MICU3: variants seen among roughly 807,000 people sequenced by gnomAD.
MICU3 encodes the protein mitochondrial calcium uptake 3.
MICU3 carries 62 observed loss-of-function variants against 66.5 expected under a neutral mutation model. The observed-to-expected ratio is 0.93, with a 90% CI of 0.76 to 1.15. MICU3 has a LOEUF of 1.15. MICU3 is among the 50% of genes most tolerant of loss of function. The pLI, the probability that MICU3 is intolerant of heterozygous loss-of-function variation, is 0.00. For synonymous variants in MICU3, 308 were observed against 240.7 expected (o/e 1.28, Z -2.59); for missense variants, 779 against 664.4 (o/e 1.17, Z -1.90).
At chr8:17,086,548 A>G (rs1012107601) in intron 6 of MICU3, among the ~76,000 whole-genome samples, 1 of 152,100 alleles carries the variant, frequency 6.6e-6, no homozygotes, top group South Asian at 2.1e-4. Context: ...GGCCAAGGTT[A>G]GTGTTGCTTT....
chr8:17,039,895 C>CTTTTTTTTTTTTTTTTTTTT (rs35133600), intron 1 of MICU3, among the ~76,000 whole-genome samples: 1 of 62,546 alleles, frequency 1.6e-5, no homozygotes, highest in Non-Finnish European at 2.7e-5. Context: ...ATCTTGCATT[C>CTTTTTTTTTTTTTTTTTTTT]TTTTTTTTTT....
intron 9 of MICU3, among the ~76,000 whole-genome samples, chr8:17,103,612 A>G (rs1344690392): frequency 1.3e-5 from 2 of 151,682 alleles, no homozygotes; most frequent in Admixed American, 6.6e-5. Flanking sequence ...GAAGGAGAGA[A>G]AAGGAAGATC....
intron 1 of MICU3, among the ~76,000 whole-genome samples, chr8:17,037,987 A>G (rs182199813): frequency 7.4e-4 from 113 of 152,196 alleles, no homozygotes; most frequent in African/African-American, 2.5e-3. Context: ...TGTTTACCCA[A>G]TGTCTCTACC....
At chr8:17,076,277 T>C (rs1386271367) in intron 3 of MICU3, among the ~76,000 whole-genome samples, 1 of 152,082 alleles carries the variant, frequency 6.6e-6, no homozygotes, top group African/African-American at 2.4e-5. Context: ...TCAAGGGATC[T>C]ACCCACCTCA....
In MICU3 at chr8:17,027,317, G is replaced by T. The variant is rs750483107; in HGVS notation, c.38G>T (p.Arg13Leu). ...CGAAGGCTCTTGTGGCCGCCACCCCGGGTGTCTCCTCCACTCTGCGCTCAC... is the reference window on the plus strand; with the variant it reads ...CGAAGGCTCTTGTGGCCGCCACCCCTGGTGTCTCCTCCACTCTGCGCTCAC... ...ALRRLLWPPP[R>L]VSPPLCAHQP... The change falls in exon 1 of 15, where the codon CGG becomes CTG. Residue 13 changes from arginine to leucine, a missense_variant. Arg to Leu is a moderately radical substitution (Grantham distance 102, BLOSUM62 -2). Transcript: ENST00000318063. 1.3e-5 allele frequency: 18 copies of T among 1,427,962 alleles called. No homozygotes were observed. Among genetic ancestry groups the T allele is most frequent in the Non-Finnish European group, 1.6e-5 (17 of 1,080,032 alleles). The allele number at this position is 1,427,962 out of a possible 1,614,324, so 88.5% of individuals were successfully genotyped here.
At chr8:17,088,955 C>G (rs1335125553) in intron 7 of MICU3, among the ~76,000 whole-genome samples, 3 of 151,758 alleles carry the variant, frequency 2.0e-5, no homozygotes, top group African/African-American at 7.3e-5. Context: ...CTAAATTATA[C>G]CAGCATACCC....
At chr8:17,037,266 C>G (rs1303562685) in intron 1 of MICU3, among the ~76,000 whole-genome samples, 3 of 152,228 alleles carry the variant, frequency 2.0e-5, no homozygotes, top group African/African-American at 7.2e-5. Context: ...GGGGCTCCCA[C>G]AGTGCAGCGG....
At chr8:17,048,819 G>C (rs1815553940) in intron 1 of MICU3, among the ~76,000 whole-genome samples, 1 of 152,064 alleles carries the variant, frequency 6.6e-6, no homozygotes, top group Admixed American at 6.6e-5. Flanking sequence ...GGTTGCCACT[G>C]TGTTGCCCAG....
At chr8:17,041,364 C>T (rs761241231) in intron 1 of MICU3, among the ~76,000 whole-genome samples, 13 of 151,552 alleles carry the variant, frequency 8.6e-5, no homozygotes, top group Non-Finnish European at 1.6e-4. Context: ...GAAAGCTATC[C>T]AAGGAGGTCA....
chr8:17,119,556 G>GATAGATAGACAGATAA (rs1554541265), intron 14 of MICU3, among the ~76,000 whole-genome samples: 1 of 150,972 alleles, frequency 6.6e-6, no homozygotes, highest in African/African-American at 2.4e-5. Flanking sequence ...TAGATAGATA[G>GATAGATAGACAGATAA]ATAGATAGAT....
In MICU3 at chr8:17,048,588, G is replaced by C. The variant is rs144531476; in HGVS notation, c.382-15496G>C. Among the ~76,000 whole-genome samples, 698 of 152,214 alleles carry C rather than the reference G, an allele frequency of 4.6e-3. 6 individuals carry two copies. The highest frequency in any genetic ancestry group is 0.016 in the African/African-American group (649 of 41,530). ...ACAATTCAAGATGAGATTTTGAATTGAATCTTCTTCACAACTACCACTTCT... is the reference window on the plus strand; with the variant it reads ...ACAATTCAAGATGAGATTTTGAATTCAATCTTCTTCACAACTACCACTTCT... On this transcript the variant is annotated intron_variant, in intron 1 of 14. Transcript: ENST00000318063.
At chr8:17,133,477 G>A in the MICU3 span, among the ~76,000 whole-genome samples, 53 of 152,032 alleles carry the variant, frequency 3.5e-4, no homozygotes, top group East Asian at 5.4e-3. Context: ...TTCTTCCAGT[G>A]TATTATTTCA....
At chr8:17,066,989 A>G (rs778298318) in intron 2 of MICU3, among the ~76,000 whole-genome samples, 3 of 152,194 alleles carry the variant, frequency 2.0e-5, no homozygotes, top group Non-Finnish European at 2.9e-5. Flanking sequence ...TTTTAAAACC[A>G]TAACTTAAGA....
Position 17,038,770 on chromosome 8 carries a change from G to A in MICU3, c.381+11110G>A, listed in dbSNP as rs897457123. Among the ~76,000 whole-genome samples, 68 of 152,086 alleles carry A rather than the reference G, an allele frequency of 4.5e-4. 1 individual carries two copies. The highest frequency in any genetic ancestry group is 1.6e-3 in the African/African-American group (67 of 41,508). ...AGATTGATACCATCCTGGCTAACAC[G>A]GTGAAACCCCGTCTCTACTGAAAGT... On this transcript the variant is annotated intron_variant, in intron 1 of 14. Transcript: ENST00000318063.
In MICU3 at chr8:17,073,075, G is replaced by A. The variant is rs545442530; in HGVS notation, c.567+3356G>A. On this transcript the variant is annotated intron_variant, in intron 3 of 14. Coordinates refer to ENST00000318063, the MANE Select transcript of MICU3 (RefSeq NM_181723.3). ...CCAGCTAATTTTTGCATTTTTAGTA[G>A]AGACAGGGTTTTGCTCTGTCACCCA... Among the ~76,000 whole-genome samples the A allele has an allele frequency of 7.2e-5, 11 of 152,166 alleles. No homozygotes were observed. The South Asian group carries it at 2.3e-3, about 32-fold the overall frequency.
the MICU3 span, among the ~76,000 whole-genome samples, chr8:17,129,871 C>T: frequency 6.6e-6 from 1 of 151,992 alleles, no homozygotes; most frequent in South Asian, 2.1e-4. Flanking sequence ...AATTTTTTTT[C>T]AGAGACAAAA....
intron 3 of MICU3, among the ~76,000 whole-genome samples, chr8:17,071,771 C>G (rs1237220346): frequency 6.6e-6 from 1 of 152,038 alleles, no homozygotes; most frequent in Non-Finnish European, 1.5e-5. Flanking sequence ...ATGCTCCACA[C>G]CAGCGAGAGC....
intron 1 of MICU3, among the ~76,000 whole-genome samples, chr8:17,033,968 A>G (rs1198328473): frequency 6.6e-6 from 1 of 152,200 alleles, no homozygotes; most frequent in Non-Finnish European, 1.5e-5. Context: ...AATAGAGATG[A>G]AACAGCCTGT....
chr8:17,098,566 C>G lies in MICU3; in HGVS notation c.984+13C>G, dbSNP rs377516649. On this transcript the variant is annotated intron_variant, in intron 9 of 14. Coordinates refer to ENST00000318063, the MANE Select transcript of MICU3 (RefSeq NM_181723.3). ...AGACCTCGCAGAGGTATAATTAAAC[C>G]TCAACAAGGTCCTTGTACTATTTGC... 1.6e-5 allele frequency: 25 copies of G among 1,541,064 alleles called. No individual in the cohort carries two copies. The Admixed American group carries it at 1.7e-4, about 10-fold the overall frequency.
Sources: allele counts gnomAD v4.1 joint callset (sites outside exome capture counted in the v4.1 genomes callset), GRCh38; gene constraint gnomAD v4.1.1; transcripts MANE v1.5; gene names NCBI Gene and HGNC (gene_info 2026-07-23, HGNC 2026-07-21).